Variants in PLEKHA5 observed in about 807,000 individuals in gnomAD.
The protein encoded by PLEKHA5 is pleckstrin homology domain containing A5.
A neutral mutation model predicts 181.9 loss-of-function variants in PLEKHA5; 55 were observed. That is an observed-to-expected ratio of 0.30 (90% CI 0.24 to 0.38). The LOEUF is 0.38. Ranked by LOEUF, PLEKHA5 falls within the 10% of genes least tolerant of loss-of-function variation. The pLI, the probability that PLEKHA5 is intolerant of heterozygous loss-of-function variation, is 1.00. For synonymous variants in PLEKHA5, 535 were observed against 529.4 expected (o/e 1.01, Z -0.15); for missense variants, 1,432 against 1,549.5 (o/e 0.92, Z 1.27).
chr12:19,325,455 C>T (rs1026781169), intron 20 of PLEKHA5, among the ~76,000 whole-genome samples: 1 of 151,414 alleles, frequency 6.6e-6, no homozygotes, highest in Admixed American at 6.6e-5. Flanking sequence ...TTTGGGAGGC[C>T]GAGACGGGCG....
intron 30 of PLEKHA5, among the ~76,000 whole-genome samples, chr12:19,367,838 G>A (rs1215495353): frequency 1.3e-5 from 2 of 150,616 alleles, no homozygotes; most frequent in African/African-American, 2.4e-5. Flanking sequence ...CGCCCGCCTC[G>A]GCCTCCCAAA....
At chr12:19,218,137 C>G (rs887885832) in intron 3 of PLEKHA5, among the ~76,000 whole-genome samples, 1 of 151,844 alleles carries the variant, frequency 6.6e-6, no homozygotes, top group Admixed American at 6.6e-5. Context: ...GGGACTTGTT[C>G]GAAGCTTAAG....
chr12:19,239,738 G>T (rs1034331154), intron 3 of PLEKHA5, among the ~76,000 whole-genome samples: 1 of 152,136 alleles, frequency 6.6e-6, no homozygotes, highest in African/African-American at 2.4e-5. Flanking sequence ...GCTTCAATCT[G>T]TGCTGAACTC....
chr12:19,180,086 A>C (rs1455926787), intron 3 of PLEKHA5, among the ~76,000 whole-genome samples: 1 of 152,202 alleles, frequency 6.6e-6, no homozygotes, highest in East Asian at 1.9e-4. Flanking sequence ...GATTAATGAT[A>C]CTTAGTTTTT....
At position 19,160,069 on chromosome 12, in the gene PLEKHA5, T is replaced by C. The variant is rs376223405; in HGVS notation, c.227+27619T>C. 4.6e-5 allele frequency among the ~76,000 whole-genome samples: 7 copies of C among 152,274 alleles called. No homozygotes were observed. The East Asian group carries it at 1.2e-3, about 25-fold the overall frequency. On this transcript the variant is annotated intron_variant, in intron 3 of 31. Coordinates refer to ENST00000429027, the MANE Select transcript of PLEKHA5 (RefSeq NM_001256470.2). Reference sequence around the variant, plus strand: ...ATAGCTCTCATTTTAGTTAACATATTGTTATTTATCTGTCATCCATGGACT... The same window carrying C: ...ATAGCTCTCATTTTAGTTAACATATCGTTATTTATCTGTCATCCATGGACT...
chr12:19,290,870 T>A, intron 14 of PLEKHA5, 74 bp downstream of exon 14: 2 of 1,346,266 alleles, frequency 1.5e-6, no homozygotes. Flanking sequence ...GTCAATATGA[T>A]CAGCATCATT....
chr12:19,297,302 A>G (rs17271690), intron 15 of PLEKHA5, among the ~76,000 whole-genome samples: 8,814 of 151,620 alleles, frequency 0.058, 325 homozygotes, highest in South Asian at 0.11. Context: ...TTCATGACAA[A>G]TCAGTTTGCC....
chr12:19,150,027 T>A (rs2040007844), intron 3 of PLEKHA5: 1 of 152,238 alleles, frequency 6.6e-6, no homozygotes, highest in Non-Finnish European at 1.5e-5. Flanking sequence ...GTAATCCATG[T>A]AAGGTACATG....
chr12:19,297,377 C>T (rs1028249629), intron 15 of PLEKHA5, among the ~76,000 whole-genome samples: 4 of 148,878 alleles, frequency 2.7e-5, no homozygotes, highest in Admixed American at 6.7e-5. Context: ...AATCCCAGCA[C>T]TTTGGGAGGC....
intron 3 of PLEKHA5, among the ~76,000 whole-genome samples, chr12:19,196,675 T>A (rs1209252994): frequency 6.6e-6 from 1 of 152,164 alleles, no homozygotes; most frequent in Non-Finnish European, 1.5e-5. Context: ...TGTGACAATA[T>A]TCCTGTACAA....
chr12:19,242,243 G>GT (rs57098753), intron 3 of PLEKHA5, among the ~76,000 whole-genome samples: 97,425 of 149,792 alleles, frequency 0.65, 35,218 homozygotes, highest in Non-Finnish European at 0.82. Context: ...GTTTTTTTTT[G>GT]TTTTTTTTGT....
At chr12:19,368,072 T>C (rs899739858) in intron 30 of PLEKHA5, among the ~76,000 whole-genome samples, 1 of 152,042 alleles carries the variant, frequency 6.6e-6, no homozygotes. Context: ...GTGTATGTTA[T>C]AAATTTAAAT....
chr12:19,288,007 G>C, intron 13 of PLEKHA5: 1 of 231,252 alleles, frequency 4.3e-6, no homozygotes, highest in South Asian at 6.0e-5. Context: ...GAACCCAGGA[G>C]GTGGAGTTTG....
In PLEKHA5 at chr12:19,334,003, A is replaced by G. The variant is rs533559571; in HGVS notation, c.2449-2512A>G. On this transcript the variant is annotated intron_variant, in intron 20 of 31. Coordinates refer to ENST00000429027, the MANE Select transcript of PLEKHA5 (RefSeq NM_001256470.2). ...GTACTTGAGATTTTAAGGTAATTGT[A>G]TATTTGAAAAGTATTAGCCCTTGTA... Among the ~76,000 whole-genome samples, 16 of 152,322 alleles carry G rather than the reference A, an allele frequency of 1.1e-4. No homozygotes were observed. The East Asian group carries it at 3.1e-3, about 29-fold the overall frequency.
At chr12:19,306,449 A>G (rs1256854373) in intron 15 of PLEKHA5, 2 of 608,978 alleles carry the variant, frequency 3.3e-6, no homozygotes, top group Admixed American at 4.2e-5. Context: ...AGGCTGTAGC[A>G]TCGGATACCC....
At chr12:19,364,655 AC>A (rs2095366670) in intron 29 of PLEKHA5, among the ~76,000 whole-genome samples, 2 of 150,844 alleles carry the variant, frequency 1.3e-5, no homozygotes, top group South Asian at 2.1e-4. Context: ...TAACCCCTGA[AC>A]TCACTAATGT....
At chr12:19,226,298 C>T (rs922759117) in intron 3 of PLEKHA5, among the ~76,000 whole-genome samples, 1 of 152,096 alleles carries the variant, frequency 6.6e-6, no homozygotes, top group Non-Finnish European at 1.5e-5. Flanking sequence ...GAATAATATT[C>T]CATCATTTGT....
intron 3 of PLEKHA5, among the ~76,000 whole-genome samples, chr12:19,173,005 C>CTTTTTT (rs71064064): frequency 0.037 from 1,230 of 33,552 alleles, 466 homozygotes; most frequent in East Asian, 0.058. Context: ...ATTTCCCTTT[C>CTTTTTT]TTTTTTTTTT....
At chr12:19,352,076 CAAA>C (rs1188985121) in intron 25 of PLEKHA5, among the ~76,000 whole-genome samples, 6 of 39,838 alleles carry the variant, frequency 1.5e-4, no homozygotes, top group Non-Finnish European at 1.0e-4. Flanking sequence ...AACTCCATCT[CAAA>C]AAAAAAAAAA....
Sources: allele counts gnomAD v4.1 joint callset (sites outside exome capture counted in the v4.1 genomes callset), GRCh38; gene constraint gnomAD v4.1.1; transcripts MANE v1.5; gene names NCBI Gene and HGNC (gene_info 2026-07-23, HGNC 2026-07-21).